The following FAM91A1 variants were observed in gnomAD, a reference collection of about 807,000 sequenced individuals.
FAM91A1 encodes the protein protein FAM91A1.
A neutral mutation model predicts 113.5 loss-of-function variants in FAM91A1; 41 were observed. The observed-to-expected ratio is 0.36, with a 90% CI of 0.28 to 0.47. FAM91A1 has a LOEUF of 0.47. Ranked by LOEUF, FAM91A1 falls within the 20% of genes least tolerant of loss-of-function variation. The pLI, the probability that FAM91A1 is intolerant of heterozygous loss-of-function variation, is 1.00. For synonymous variants in FAM91A1, 307 were observed against 347.9 expected, an observed-to-expected ratio of 0.88 and a Z score of 1.31; for missense variants, 696 against 1,001.2, an observed-to-expected ratio of 0.70 and a Z score of 4.11.
Position 123,768,684 on chromosome 8 carries a change from C to G in FAM91A1, c.-19C>G. On this transcript the variant is annotated 5_prime_UTR_variant, in exon 1 of 24. Coordinates refer to ENST00000334705, the MANE Select transcript of FAM91A1 (RefSeq NM_144963.4). ...GGGTCGCGGTGGCGGCCCCGGCCGC[C>G]GGCCCTGGCCGCGGCATCATGAACA... 2 of 1,534,616 alleles carry G rather than the reference C, an allele frequency of 1.3e-6. No homozygotes were observed. The highest frequency in any genetic ancestry group is 1.2e-5 in the South Asian group (1 of 81,334).
In FAM91A1 at chr8:123,784,590, C is replaced by A; in HGVS notation, c.810+14C>A. ...AATGTTGCAGAGGTAAGTTTGACAA[C>A]GTCTCATGAAAATATAATCTCAAGA... is the stretch of plus-strand genomic sequence containing the variant. On this transcript the variant is annotated intron_variant, in intron 9 of 23. Coordinates refer to ENST00000334705, the MANE Select transcript of FAM91A1 (RefSeq NM_144963.4). The A allele has an allele frequency of 6.5e-7, 1 of 1,534,380 alleles. No individual in the cohort carries two copies. The highest frequency in any genetic ancestry group is 8.9e-7 in the Non-Finnish European group (1 of 1,123,374).
At chr8:123,773,161 G>A (rs1814895508) in intron 1 of FAM91A1, among the ~76,000 whole-genome samples, 1 of 152,184 alleles carries the variant, frequency 6.6e-6, no homozygotes, top group South Asian at 2.1e-4. Context: ...CCAGTTATGG[G>A]TCAGTTTACT....
Position 123,789,720 on chromosome 8 carries a change from T to C in FAM91A1, c.1386T>C (p.Thr462=). ...ATAACAAAGATCTAGTTGCGCAAAC[T>C]GCACAGCCAGACCAACCCAATTATG... is the stretch of plus-strand genomic sequence containing the variant. ...LRHNKDLVAQ[T]AQPDQPNYGF... Residue 462 remains threonine (T), a synonymous_variant, in exon 15 of 24, where the codon ACT becomes ACC. Coordinates refer to ENST00000334705, the MANE Select transcript of FAM91A1 (RefSeq NM_144963.4). The C allele has an allele frequency of 6.2e-7, 1 of 1,613,504 alleles. No individual in the cohort carries two copies. The highest frequency in any genetic ancestry group is 8.5e-7 in the Non-Finnish European group (1 of 1,179,730).
chr8:123,805,244 T>G, intron 18 of FAM91A1, 23 bp from the exon 19 acceptor site: 1 of 1,587,430 alleles, frequency 6.3e-7, no homozygotes, highest in Non-Finnish European at 8.6e-7. Context: ...CTTGTATACC[T>G]TTTAACTTTT....
chr8:123,778,597 T>C (rs1238706247), intron 5 of FAM91A1, 62 bp from the exon 6 acceptor site: 2 of 1,110,434 alleles, frequency 1.8e-6, no homozygotes, highest in Admixed American at 3.6e-5. Flanking sequence ...TATGATATGA[T>C]TGATGAAAGA....
intron 11 of FAM91A1, among the ~76,000 whole-genome samples, 170 bp from the exon 12 acceptor site, chr8:123,786,325 C>T (rs1453389205): frequency 6.6e-6 from 1 of 152,110 alleles, no homozygotes; most frequent in Admixed American, 6.5e-5. Context: ...TAGTTAAGAA[C>T]CCTTGTTGTA....
chr8:123,806,283 C>T, intron 20 of FAM91A1, 54 bp downstream of exon 20: 1 of 1,547,542 alleles, frequency 6.5e-7, no homozygotes, highest in East Asian at 2.3e-5. Flanking sequence ...GAGTTTGACA[C>T]AGTGTTAATA....
chr8:123,775,975 A>G (rs1056351905), intron 3 of FAM91A1, among the ~76,000 whole-genome samples: 3 of 152,200 alleles, frequency 2.0e-5, no homozygotes, highest in African/African-American at 4.8e-5. Flanking sequence ...AAGAAAAAAA[A>G]GAAAAGAAAA....
At chr8:123,781,719 A>T (rs1034931228) in intron 8 of FAM91A1, among the ~76,000 whole-genome samples, 2 of 152,138 alleles carry the variant, frequency 1.3e-5, no homozygotes, top group Non-Finnish European at 2.9e-5. Context: ...TCCTGACCTC[A>T]AGCAATCTGC....
intron 8 of FAM91A1, among the ~76,000 whole-genome samples, chr8:123,782,865 A>C (rs982735116): frequency 6.6e-6 from 1 of 152,042 alleles, no homozygotes; most frequent in Non-Finnish European, 1.5e-5. Flanking sequence ...TGGTTTCTTT[A>C]TCTCTCAAAA....
intron 20 of FAM91A1, among the ~76,000 whole-genome samples, chr8:123,807,431 G>A (rs570737777): frequency 7.1e-6 from 1 of 140,228 alleles, no homozygotes; most frequent in Non-Finnish European, 1.5e-5. Flanking sequence ...ATTGCTTGAG[G>A]CTAGCAGTTT....
chr8:123,793,912 C>T (rs931871107), intron 15 of FAM91A1, among the ~76,000 whole-genome samples: 8 of 152,144 alleles, frequency 5.3e-5, no homozygotes, highest in African/African-American at 1.7e-4. Context: ...AATAGGATTT[C>T]GTATTGTTCA....
At chr8:123,803,232 G>A (rs557065544) in intron 18 of FAM91A1, among the ~76,000 whole-genome samples, 1 of 134,406 alleles carries the variant, frequency 7.4e-6, no homozygotes, top group African/African-American at 3.5e-5. Flanking sequence ...ATCAAGCTAA[G>A]TTAGGTTTTT....
intron 12 of FAM91A1, among the ~76,000 whole-genome samples, chr8:123,787,029 T>G (rs1815274897): frequency 6.6e-6 from 1 of 152,228 alleles, no homozygotes; most frequent in Non-Finnish European, 1.5e-5. Context: ...ATAGTGAGGC[T>G]AAGCCCAAAG....
chr8:123,789,575 G>A, intron 14 of FAM91A1, 38 bp from the exon 15 acceptor site: 2 of 1,610,482 alleles, frequency 1.2e-6, no homozygotes. Context: ...GCATAAAAGT[G>A]GTATTTTTGT....
chr8:123,782,320 A>G lies in FAM91A1; in HGVS notation c.703+1778A>G, dbSNP rs912378283. On this transcript the variant is annotated intron_variant, in intron 8 of 23. Coordinates refer to ENST00000334705, the MANE Select transcript of FAM91A1 (RefSeq NM_144963.4). ...TTGGCTGTTCCCCAAATTAGAATAA[A>G]CACATAAAAACAGTTTTGACAACAT... Among the ~76,000 whole-genome samples, 4 of 152,192 alleles carry G rather than the reference A, an allele frequency of 2.6e-5. No individual in the cohort carries two copies. The South Asian group carries it at 6.2e-4, about 24-fold the overall frequency.
chr8:123,775,409 C>G (rs1814958520), intron 3 of FAM91A1, 111 bp downstream of exon 3: 2 of 1,303,916 alleles, frequency 1.5e-6, no homozygotes, highest in East Asian at 2.4e-5. Flanking sequence ...GACACTCTTT[C>G]AGAACTTATA....
chr8:123,786,499 ACC>A lies in FAM91A1; in HGVS notation c.968_969del (p.Thr323IlefsTer16). ...NVPSVNRLKS[T>X]LDPQKMLLSW... Reference sequence around the variant, plus strand: ...AAATGCATTCTTCATTAATAGGAGTACCTTAGATCCACAGAAGATGCTCTTGT... The same window carrying A: ...AAATGCATTCTTCATTAATAGGAGTATTAGATCCACAGAAGATGCTCTTGT... On this transcript the variant is annotated frameshift_variant, in exon 12 of 24. Coordinates refer to ENST00000334705, the MANE Select transcript of FAM91A1 (RefSeq NM_144963.4). LOFTEE classifies it high-confidence loss of function. The A allele has an allele frequency of 6.2e-7, 1 of 1,609,482 alleles. No individual in the cohort carries two copies. Among genetic ancestry groups the A allele is most frequent in the Non-Finnish European group, 8.5e-7 (1 of 1,176,378 alleles).
chr8:123,768,670 GCGGCCCCGGCCGCCGGCCC>G lies in FAM91A1; in HGVS notation c.-32_-14del. 1 of 1,549,508 alleles carries G rather than the reference GCGGCCCCGGCCGCCGGCCC, an allele frequency of 6.5e-7. No homozygotes were observed. The highest frequency in any genetic ancestry group is 1.4e-5 in the African/African-American group (1 of 71,898). On this transcript the variant is annotated 5_prime_UTR_variant, in exon 1 of 24. Transcript: ENST00000334705. ...GGGAGGCGTAGTGTGGGTCGCGGTG[GCGGCCCCGGCCGCCGGCCC>G]TGGCCGCGGCATCATGAACATAGAC...
Sources: allele counts gnomAD v4.1 joint callset (sites outside exome capture counted in the v4.1 genomes callset), GRCh38; gene constraint gnomAD v4.1.1; transcripts MANE v1.5; gene names NCBI Gene and HGNC (gene_info 2026-07-23, HGNC 2026-07-21).